PHF20L1: variants seen among roughly 807,000 people sequenced by gnomAD.
PHF20L1 encodes PHD finger protein 20-like protein 1.
PHF20L1 carries 44 observed loss-of-function variants against 125.5 expected under a neutral mutation model. The ratio of observed to expected loss-of-function variants is 0.35; its 90% CI spans 0.28 to 0.45. The LOEUF (loss-of-function observed/expected upper bound fraction) is 0.45, where lower values mean the gene tolerates loss of function less well. Ranked by LOEUF, PHF20L1 falls within the 20% of genes least tolerant of loss-of-function variation. The pLI, the probability that PHF20L1 is intolerant of heterozygous loss-of-function variation, is 1.00. For synonymous variants in PHF20L1, 380 were observed against 403.1 expected (o/e 0.94, Z 0.69); for missense variants, 1,012 against 1,217.2 (o/e 0.83, Z 2.51).
At chr8:132,812,026 A>G (rs1450863059) in intron 9 of PHF20L1, 2 of 984,118 alleles carry the variant, frequency 2.0e-6, no homozygotes, top group East Asian at 2.3e-4. Context: ...TGATTTGATA[A>G]CAATGCGTTG....
At chr8:132,812,686 A>G (rs772257860) in intron 9 of PHF20L1, 77 of 984,806 alleles carry the variant, frequency 7.8e-5, no homozygotes, top group Non-Finnish European at 8.1e-5. Flanking sequence ...TTTTTATCCT[A>G]TGTGTTAGCC....
intron 14 of PHF20L1, among the ~76,000 whole-genome samples, chr8:132,827,960 G>A (rs192660630): frequency 1.6e-4 from 25 of 152,096 alleles, no homozygotes; most frequent in Non-Finnish European, 2.8e-4. Flanking sequence ...TGCATTTGAG[G>A]AGAATTTATT....
intron 2 of PHF20L1, among the ~76,000 whole-genome samples, chr8:132,792,361 C>T (rs1831826615): frequency 6.6e-6 from 1 of 152,150 alleles, no homozygotes. Flanking sequence ...CAGAGCAACA[C>T]TGCAAAAGAC....
intron 17 of PHF20L1, 62 bp from the exon 18 acceptor site, chr8:132,839,325 C>A: frequency 8.0e-7 from 1 of 1,257,058 alleles, no homozygotes; most frequent in Non-Finnish European, 1.2e-6. Context: ...AGTAGGTTAG[C>A]AGTTGATGAA....
intron 6 of PHF20L1, among the ~76,000 whole-genome samples, chr8:132,801,886 G>T (rs1458215314): frequency 6.6e-6 from 1 of 151,590 alleles, no homozygotes; most frequent in Admixed American, 6.6e-5. Flanking sequence ...AATTTAAAAG[G>T]TGCAGTATGA....
At position 132,843,026 on chromosome 8, in the gene PHF20L1, C is replaced by G. The variant is rs75107857; in HGVS notation, c.2748+151C>G. On this transcript the variant is annotated intron_variant, in intron 19 of 20. Coordinates refer to ENST00000395386, the MANE Select transcript of PHF20L1 (RefSeq NM_016018.5). ...AAGTAAGGAGATTTTTTTGTTTTCT[C>G]TACAGGAAAACACTGGCCATTTGAA... is the stretch of plus-strand genomic sequence containing the variant. The G allele has an allele frequency of 5.4e-3, 7,479 of 1,383,770 alleles. 190 individuals are homozygous for G. In the East Asian group the frequency reaches 0.08, roughly 15 times the overall value. The allele number at this position is 1,383,770 out of a possible 1,614,324, so 85.7% of individuals were successfully genotyped here.
At chr8:132,807,734 C>T (rs1347897899) in intron 8 of PHF20L1, 1 of 455,696 alleles carries the variant, frequency 2.2e-6, no homozygotes, top group Non-Finnish European at 4.4e-6. Flanking sequence ...AAGAGACCAG[C>T]TGTGTATTTT....
At chr8:132,776,801 C>G (rs1035719676) in intron 1 of PHF20L1, among the ~76,000 whole-genome samples, 1 of 151,968 alleles carries the variant, frequency 6.6e-6, no homozygotes, top group Admixed American at 6.5e-5. Context: ...TCTCAAATAC[C>G]GAAAGACATT....
In PHF20L1 at chr8:132,848,619, T is replaced by C. The variant is rs1249250003; in HGVS notation, c.*2696T>C. On this transcript the variant is annotated 3_prime_UTR_variant, in exon 21 of 21. Coordinates refer to ENST00000395386, the MANE Select transcript of PHF20L1 (RefSeq NM_016018.5). ...TCCTCATACTTGTTTGTGGTTCTAC[T>C]GACTTATTTCCAAACTTAAGAGTAA... The C allele has an allele frequency of 1.3e-5, 2 of 152,540 alleles. No individual in the cohort carries two copies. The highest frequency in any genetic ancestry group is 2.9e-5 in the Non-Finnish European group (2 of 67,978). 9.4% of individuals were successfully genotyped at this position (152,540 alleles called of 1,614,324 possible).
At chr8:132,808,968 C>T (rs1009344132) in intron 8 of PHF20L1, 2 of 151,818 alleles carry the variant, frequency 1.3e-5, no homozygotes, top group East Asian at 3.9e-4. Context: ...AGCTCGGCCT[C>T]CCAAAGTGTT....
intron 8 of PHF20L1, 95 bp from the exon 9 acceptor site, chr8:132,810,951 A>G (rs768763864): frequency 5.1e-6 from 4 of 781,156 alleles, no homozygotes; most frequent in Non-Finnish European, 9.3e-6. Flanking sequence ...ATTAAAAAGT[A>G]TAGGAAATTT....
chr8:132,790,936 A>C (rs146066917), intron 2 of PHF20L1, among the ~76,000 whole-genome samples: 4 of 152,320 alleles, frequency 2.6e-5, no homozygotes, highest in African/African-American at 4.8e-5. Context: ...TATGTATGAA[A>C]TAATCACTTA....
chr8:132,802,986 G>A (rs1419676915), intron 6 of PHF20L1, among the ~76,000 whole-genome samples: 2 of 151,644 alleles, frequency 1.3e-5, no homozygotes, highest in African/African-American at 4.8e-5. Context: ...CATTTTTATT[G>A]TGAAAATTAA....
intron 9 of PHF20L1, chr8:132,812,442 C>A (rs966729819): frequency 2.0e-6 from 2 of 984,810 alleles, no homozygotes; most frequent in Non-Finnish European, 1.2e-6. Flanking sequence ...CAGAAAACCA[C>A]GTTTTGAAAT....
rs991995513 is a variant in PHF20L1, at chr8:132,846,787, C to T, written c.*864C>T. 1 of 151,624 alleles carries T rather than the reference C, an allele frequency of 6.6e-6. No homozygotes were observed. Among genetic ancestry groups the T allele is most frequent in the Admixed American group, 6.6e-5 (1 of 15,136 alleles). The allele number at this position is 151,624 out of a possible 1,614,324, so 9.4% of individuals were successfully genotyped here. On this transcript the variant is annotated 3_prime_UTR_variant, in exon 21 of 21. Coordinates refer to ENST00000395386, the MANE Select transcript of PHF20L1 (RefSeq NM_016018.5). ...ATAGTTGAATGGCAGTATTCAGGCTCAACGTACAGTTTGATCCTGAGTATG... is the reference window on the plus strand; with the variant it reads ...ATAGTTGAATGGCAGTATTCAGGCTTAACGTACAGTTTGATCCTGAGTATG...
intron 19 of PHF20L1, chr8:132,843,397 C>A: frequency 1.0e-6 from 1 of 979,638 alleles, no homozygotes; most frequent in Non-Finnish European, 1.2e-6. Context: ...TAGAAATGTA[C>A]CTTTATTTTT....
intron 2 of PHF20L1, 55 bp downstream of exon 2, chr8:132,777,966 A>G: frequency 9.3e-7 from 1 of 1,077,510 alleles, no homozygotes; most frequent in South Asian, 1.3e-5. Flanking sequence ...AGCCTTACAT[A>G]TGTTAATTAA....
At chr8:132,840,344 T>A (rs1837803950) in intron 18 of PHF20L1, among the ~76,000 whole-genome samples, 1 of 152,078 alleles carries the variant, frequency 6.6e-6, no homozygotes, top group East Asian at 1.9e-4. Context: ...TGTTCCTCTC[T>A]CACTTCTCAC....
intron 18 of PHF20L1, among the ~76,000 whole-genome samples, chr8:132,840,250 G>T (rs918678423): frequency 6.6e-6 from 1 of 152,096 alleles, no homozygotes; most frequent in African/African-American, 2.4e-5. Flanking sequence ...GCCTCGGCCA[G>T]ACACTTGTCC....
Sources: allele counts gnomAD v4.1 joint callset (sites outside exome capture counted in the v4.1 genomes callset), GRCh38; gene constraint gnomAD v4.1.1; transcripts MANE v1.5; gene names NCBI Gene and HGNC (gene_info 2026-07-23, HGNC 2026-07-21).